UIMC1: variants seen among roughly 807,000 people sequenced by gnomAD.
The protein encoded by UIMC1 is BRCA1-A complex subunit RAP80.
Under a neutral mutation model 84.9 loss-of-function variants are expected in UIMC1, and 42 were observed. The observed-to-expected ratio is 0.49, with a 90% CI of 0.39 to 0.64. UIMC1 has a LOEUF of 0.64. Among genes scored for constraint, UIMC1 ranks in the 30% least tolerant of loss-of-function variants. The probability of loss-of-function intolerance (pLI) is 0.00; values close to 1 mark genes in which losing one functional copy is unlikely to be tolerated. For synonymous variants in UIMC1, 281 were observed against 293.0 expected, an observed-to-expected ratio of 0.96 and a Z score of 0.42; for missense variants, 825 against 847.6, an observed-to-expected ratio of 0.97 and a Z score of 0.33.
intron 1 of UIMC1, among the ~76,000 whole-genome samples, chr5:176,994,199 C>T (rs1773270987): frequency 6.6e-6 from 1 of 151,600 alleles, no homozygotes; most frequent in African/African-American, 2.4e-5. Context: ...CACTGAGACC[C>T]TATCTCAAAA....
intron 1 of UIMC1, among the ~76,000 whole-genome samples, chr5:176,999,325 G>T (rs1478224125): frequency 2.0e-5 from 3 of 152,182 alleles, no homozygotes; most frequent in East Asian, 3.9e-4. Context: ...TACATGAGAT[G>T]CTTTGTTACA....
intron 1 of UIMC1, among the ~76,000 whole-genome samples, chr5:177,022,162 C>A (rs1012185084): frequency 4.6e-5 from 7 of 152,008 alleles, no homozygotes; most frequent in Non-Finnish European, 8.8e-5. Context: ...AATTTGGGGT[C>A]TGACAGCTAC....
chr5:176,941,559 C>T (rs1265610698), intron 10 of UIMC1, among the ~76,000 whole-genome samples: 1 of 151,910 alleles, frequency 6.6e-6, no homozygotes, highest in Non-Finnish European at 1.5e-5. Flanking sequence ...ATGTGCTTGC[C>T]TCTCTGGCAA....
chr5:177,022,378 G>C (rs1775900565), intron 1 of UIMC1: 1 of 226,530 alleles, frequency 4.4e-6, no homozygotes, highest in African/African-American at 2.3e-5. Flanking sequence ...TAGGTTCTGG[G>C]CCTCAGTTTC....
chr5:177,004,155 T>C (rs1746488297), intron 1 of UIMC1, among the ~76,000 whole-genome samples: 1 of 152,192 alleles, frequency 6.6e-6, no homozygotes, highest in Non-Finnish European at 1.5e-5. Flanking sequence ...CAAACAAAGC[T>C]ATACCACAAA....
At chr5:176,998,696 G>A (rs1001436436) in intron 1 of UIMC1, among the ~76,000 whole-genome samples, 6 of 151,876 alleles carry the variant, frequency 4.0e-5, no homozygotes, top group East Asian at 1.9e-4. Flanking sequence ...GAACCCGGGC[G>A]GTGGAGGTTG....
rs139702777 is a variant in UIMC1 at position 176,975,449 on chromosome 5, G to A, written c.179C>T (p.Thr60Met). 2.8e-4 allele frequency: 447 copies of A among 1,613,820 alleles called. 1 individual carries two copies. The Middle Eastern group carries it at 3.6e-3, about 13-fold the overall frequency. ...TGCTCTATTCGACTGTTTTGTCTTC[G>A]TTTTCTGCAACCCATTTTCCTCCTT... Reference protein sequence around the residue: ...EPKEENGLQKTKTKQSNRAKC... With the variant: ...EPKEENGLQKMKTKQSNRAKC... The change falls in exon 3 of 15, where the codon ACG (threonine) becomes ATG (methionine). Residue 60 changes from threonine (T) to methionine (M), a missense_variant. Transcript: ENST00000511320.
chr5:177,003,214 T>C (rs897306786), intron 1 of UIMC1, among the ~76,000 whole-genome samples: 9 of 151,414 alleles, frequency 5.9e-5, no homozygotes, highest in African/African-American at 2.2e-4. Context: ...CACACACACA[T>C]ATAAACACAC....
intron 10 of UIMC1, among the ~76,000 whole-genome samples, chr5:176,917,828 G>A (rs1340670222): frequency 6.6e-6 from 1 of 152,080 alleles, no homozygotes; most frequent in Non-Finnish European, 1.5e-5. Context: ...GTATGGTGGC[G>A]CATGCCTATA....
At chr5:177,013,361 AACACACACACACACAC>A (rs6149367) in intron 1 of UIMC1, among the ~76,000 whole-genome samples, 2 of 137,822 alleles carry the variant, frequency 1.5e-5, no homozygotes, top group East Asian at 2.1e-4. Flanking sequence ...ACTGCATCCA[AACACACACACACACAC>A]ACACACACAC....
intron 12 of UIMC1, among the ~76,000 whole-genome samples, chr5:176,908,232 G>A (rs1361760048): frequency 6.6e-6 from 1 of 152,028 alleles, no homozygotes; most frequent in Non-Finnish European, 1.5e-5. Context: ...AAAAAGACTG[G>A]AAGAAAATAG....
exon 1 of UIMC1, chr5:177,022,516 G>C (rs376793590): frequency 1.4e-5 from 7 of 510,054 alleles, no homozygotes; most frequent in African/African-American, 6.1e-5. Flanking sequence ...CTCCGGGAGG[G>C]GGGGGTCACT....
chr5:176,970,668 G>A (rs747604376), intron 4 of UIMC1, 74 bp downstream of exon 4: 3 of 1,608,262 alleles, frequency 1.9e-6, no homozygotes, highest in East Asian at 2.2e-5. Flanking sequence ...AGTTCCTAAT[G>A]CAACTACAAC....
At chr5:176,951,235 C>T (rs189174454) in intron 9 of UIMC1, among the ~76,000 whole-genome samples, 58 of 152,204 alleles carry the variant, frequency 3.8e-4, no homozygotes, top group African/African-American at 1.3e-3. Context: ...GCCTCTGTTT[C>T]CCCATCTCTA....
chr5:176,907,138 C>T lies in UIMC1; in HGVS notation c.1888G>A (p.Glu630Lys). The change falls in exon 13 of 15, where the codon GAA (glutamate) becomes AAA (lysine). Residue 630 changes from glutamate (E) to lysine (K), a missense_variant. By Grantham distance (56) the Glu-to-Lys change is moderately conservative (BLOSUM62 1). Coordinates refer to ENST00000511320, the MANE Select transcript of UIMC1 (RefSeq NM_001199298.2). Reference sequence around the variant, plus strand: ...CCTGAAGTCTTGTGCTCAGACTGTTCCAAGAAACTAAGGAGTCGGCCTTCA... The same window carrying T: ...CCTGAAGTCTTGTGCTCAGACTGTTTCAAGAAACTAAGGAGTCGGCCTTCA... ...HSEGRLLSFLEQSEHKTSDAD... is the reference protein window; with the variant it reads ...HSEGRLLSFLKQSEHKTSDAD... The T allele has an allele frequency of 6.2e-7, 1 of 1,613,836 alleles. No individual in the cohort carries two copies. The highest frequency in any genetic ancestry group is 8.5e-7 in the Non-Finnish European group (1 of 1,179,852).
intron 1 of UIMC1, among the ~76,000 whole-genome samples, chr5:176,992,884 G>C (rs1773087739): frequency 6.6e-6 from 1 of 152,064 alleles, no homozygotes; most frequent in African/African-American, 2.4e-5. Flanking sequence ...CTTGTATCCA[G>C]AATATACAAA....
chr5:176,906,524 G>C (rs1759404533), intron 13 of UIMC1, among the ~76,000 whole-genome samples: 1 of 152,178 alleles, frequency 6.6e-6, no homozygotes, highest in South Asian at 2.1e-4. Context: ...TTTAACAATA[G>C]CGACTAATAA....
intron 10 of UIMC1, among the ~76,000 whole-genome samples, chr5:176,922,820 T>C (rs1460198933): frequency 1.3e-5 from 2 of 152,276 alleles, no homozygotes; most frequent in Admixed American, 6.5e-5. Context: ...GATTAAGCTA[T>C]AAATATTATA....
At chr5:176,965,573 T>G (rs1308301091) in intron 6 of UIMC1, among the ~76,000 whole-genome samples, 2 of 152,198 alleles carry the variant, frequency 1.3e-5, no homozygotes, top group African/African-American at 4.8e-5. Flanking sequence ...TTCTCCTGCT[T>G]CAGCTTCCCA....
Sources: allele counts gnomAD v4.1 joint callset (sites outside exome capture counted in the v4.1 genomes callset), GRCh38; gene constraint gnomAD v4.1.1; transcripts MANE v1.5; gene names NCBI Gene and HGNC (gene_info 2026-07-23, HGNC 2026-07-21).